The following CFAP61 variants were observed in gnomAD, a reference collection of about 807,000 sequenced individuals.
CFAP61 encodes cilia- and flagella-associated protein 61.
CFAP61 carries 107 observed loss-of-function variants against 135.6 expected under a neutral mutation model. The observed-to-expected ratio is 0.79, with a 90% CI of 0.67 to 0.93. The LOEUF is 0.93. Ranked by LOEUF, CFAP61 falls within the 40% of genes least tolerant of loss-of-function variation. CFAP61 has a pLI of 0.00. For missense variants in CFAP61, 1,507 were observed against 1,556.2 expected, an observed-to-expected ratio of 0.97 and a Z score of 0.53; for synonymous variants, 575 against 578.5, an observed-to-expected ratio of 0.99 and a Z score of 0.09.
Position 20,257,811 on chromosome 20 carries a change from T to C in CFAP61, c.2329-5145T>C, listed in dbSNP as rs151270375. On this transcript the variant is annotated intron_variant, in intron 20 of 26. Coordinates refer to ENST00000245957, the MANE Select transcript of CFAP61 (RefSeq NM_015585.4). ...TAATCTAATAAAGACCAAGAAGTTG[T>C]TGAAAATTGGGAGGGAGGTGGCAAG... Among the ~76,000 whole-genome samples, 36 of 152,174 alleles carry C rather than the reference T, an allele frequency of 2.4e-4. No individual in the cohort carries two copies. The East Asian group carries it at 6.8e-3, about 29-fold the overall frequency.
At chr20:20,265,494 G>A (rs934469284) in intron 21 of CFAP61, 2 of 779,536 alleles carry the variant, frequency 2.6e-6, no homozygotes, top group Admixed American at 1.7e-5. Context: ...CCCTTAAAGG[G>A]AAATGTTTTT....
At chr20:20,155,344 A>T (rs560502787) in intron 9 of CFAP61, among the ~76,000 whole-genome samples, 45 of 152,058 alleles carry the variant, frequency 3.0e-4, no homozygotes, top group Non-Finnish European at 5.9e-4. Context: ...ATTGGAAAAA[A>T]CTCTTCTAGA....
chr20:20,142,823 A>G (rs375977551), intron 8 of CFAP61, 34 bp from the exon 9 acceptor site: 170 of 1,214,596 alleles, frequency 1.4e-4, no homozygotes, highest in Middle Eastern at 3.7e-4. Context: ...TTTATCATCT[A>G]TTTTCTGTCA....
At chr20:20,158,886 G>A (rs1392135322) in intron 9 of CFAP61, among the ~76,000 whole-genome samples, 1 of 152,140 alleles carries the variant, frequency 6.6e-6, no homozygotes, top group Non-Finnish European at 1.5e-5. Flanking sequence ...AATATATGTA[G>A]CTTATTGTAT....
chr20:20,347,932 C>CAA (rs139136148), intron 26 of CFAP61, among the ~76,000 whole-genome samples: 1,104 of 74,940 alleles, frequency 0.015, 22 homozygotes, highest in Admixed American at 0.06. Flanking sequence ...GACGCCATCT[C>CAA]AAAAAAAAAA....
chr20:20,210,241 G>A (rs762073357), intron 17 of CFAP61, among the ~76,000 whole-genome samples: 1 of 152,162 alleles, frequency 6.6e-6, no homozygotes, highest in Non-Finnish European at 1.5e-5. Context: ...GCCTTAGCCA[G>A]AGGAAGGAGA....
chr20:20,219,652 A>T (rs2048267108), intron 17 of CFAP61, among the ~76,000 whole-genome samples: 1 of 152,230 alleles, frequency 6.6e-6, no homozygotes, highest in Non-Finnish European at 1.5e-5. Context: ...TAGGATGGGA[A>T]AACAACCAAC....
At chr20:20,132,245 G>T (rs886126700) in intron 8 of CFAP61, among the ~76,000 whole-genome samples, 3 of 151,878 alleles carry the variant, frequency 2.0e-5, no homozygotes, top group Non-Finnish European at 2.9e-5. Context: ...GTTATATATT[G>T]CAGATTTTCC....
chr20:20,316,305 T>C (rs1042375061), intron 25 of CFAP61, among the ~76,000 whole-genome samples: 2 of 151,932 alleles, frequency 1.3e-5, no homozygotes, highest in South Asian at 2.1e-4. Flanking sequence ...GAAGCAATTG[T>C]GAATGGGAGT....
chr20:20,296,326 C>CCTTCCTTCCTTCCTT (rs1569260658), intron 24 of CFAP61, among the ~76,000 whole-genome samples: 1 of 34,626 alleles, frequency 2.9e-5, no homozygotes, highest in African/African-American at 1.1e-4. Flanking sequence ...CTCCTTCCTT[C>CCTTCCTTCCTTCCTT]CCTTCCTTCC....
intron 1 of CFAP61, chr20:20,052,880 A>C (rs931630380): frequency 1.5e-6 from 1 of 680,508 alleles, no homozygotes; most frequent in Non-Finnish European, 2.5e-6. Flanking sequence ...CTCTGGGTCC[A>C]CGCCCCCTCG....
chr20:20,327,013 GT>G (rs1235166659), intron 25 of CFAP61, among the ~76,000 whole-genome samples: 2 of 151,798 alleles, frequency 1.3e-5, no homozygotes, highest in Non-Finnish European at 2.9e-5. Flanking sequence ...TATTTTTATA[GT>G]TTTGTTGCTG....
At chr20:20,203,115 C>T (rs1045035890) in intron 17 of CFAP61, among the ~76,000 whole-genome samples, 14 of 152,182 alleles carry the variant, frequency 9.2e-5, no homozygotes, top group Admixed American at 2.6e-4. Context: ...ATCAGTGTCC[C>T]GGCCACAACA....
intron 8 of CFAP61, among the ~76,000 whole-genome samples, chr20:20,138,862 C>T (rs1266075441): frequency 1.3e-5 from 2 of 152,200 alleles, no homozygotes; most frequent in African/African-American, 2.4e-5. Flanking sequence ...CATATATCAA[C>T]ATTTCATAAC....
intron 21 of CFAP61, among the ~76,000 whole-genome samples, chr20:20,269,474 T>G (rs1446349907): frequency 6.6e-6 from 1 of 151,908 alleles, no homozygotes; most frequent in Non-Finnish European, 1.5e-5. Flanking sequence ...CAGGCTCAAG[T>G]GATTCTCCTG....
intron 6 of CFAP61, among the ~76,000 whole-genome samples, chr20:20,083,767 A>G (rs1293882506): frequency 2.0e-5 from 3 of 152,206 alleles, no homozygotes; most frequent in South Asian, 2.1e-4. Flanking sequence ...CACCAAGTCT[A>G]TGGTGGAGCC....
At chr20:20,140,087 TGACTG>T (rs1287222365) in intron 8 of CFAP61, among the ~76,000 whole-genome samples, 1 of 150,866 alleles carries the variant, frequency 6.6e-6, no homozygotes, top group Non-Finnish European at 1.5e-5. Flanking sequence ...AGAGGAGTAT[TGACTG>T]GACGGGGAGA....
At chr20:20,358,011 AG>A in intron 26 of CFAP61, among the ~76,000 whole-genome samples, 1 of 131,878 alleles carries the variant, frequency 7.6e-6, no homozygotes, top group African/African-American at 2.9e-5. Context: ...AGGTGGTCAC[AG>A]TGTGAGGGGA....
rs2052400655 is a variant in CFAP61 at position 20,263,102 on chromosome 20, G to GA, written c.2476dup (p.Ile826AsnfsTer4). The GA allele has an allele frequency of 6.2e-7, 1 of 1,613,866 alleles. No individual in the cohort carries two copies. The highest frequency in any genetic ancestry group is 8.5e-7 in the Non-Finnish European group (1 of 1,179,860). ...AGGATTGCTTTAAGGCACTGATTTG[G>GA]ATAAGGAATAACTCCATCACCACAG... On this transcript the variant is annotated frameshift_variant, in exon 21 of 27. Coordinates refer to ENST00000245957, the MANE Select transcript of CFAP61 (RefSeq NM_015585.4). LOFTEE classifies it high-confidence loss of function.
Sources: allele counts gnomAD v4.1 joint callset (sites outside exome capture counted in the v4.1 genomes callset), GRCh38; gene constraint gnomAD v4.1.1; transcripts MANE v1.5; gene names NCBI Gene and HGNC (gene_info 2026-07-23, HGNC 2026-07-21).